The following BMERB1 variants were observed in gnomAD, a reference collection of about 807,000 sequenced individuals.
The protein encoded by BMERB1 is bMERB domain-containing protein 1.
In BMERB1, 12 loss-of-function variants were observed where a neutral mutation model predicts 23.6. The observed-to-expected ratio is 0.51, with a 90% CI of 0.33 to 0.82. The LOEUF is 0.82. Ranked by LOEUF, BMERB1 falls within the 40% of genes least tolerant of loss-of-function variation. BMERB1 has a pLI of 0.03. For synonymous variants in BMERB1, 122 were observed against 96.6 expected (o/e 1.26, Z -1.54); for missense variants, 247 against 255.4 (o/e 0.97, Z 0.22).
chr16:15,517,856 TGTGTGTGGATGTGTGTGG>T (rs1215773058), intron 2 of BMERB1, among the ~76,000 whole-genome samples: 1 of 83,378 alleles, frequency 1.2e-5, no homozygotes, highest in South Asian at 5.2e-4. Flanking sequence ...TGTGGATGTG[TGTGTGTGGATGTGTGTGG>T]GTGTGTGGAT....
chr16:15,434,856 C>G (rs1420299115), intron 1 of BMERB1, 97 bp downstream of exon 1: 7 of 1,015,918 alleles, frequency 6.9e-6, no homozygotes, highest in Non-Finnish European at 1.0e-5. Flanking sequence ...CAGCAGTGGA[C>G]CCAGGGAAGC....
intron 2 of BMERB1, among the ~76,000 whole-genome samples, chr16:15,537,859 G>A (rs911972921): frequency 6.6e-6 from 1 of 150,672 alleles, no homozygotes; most frequent in African/African-American, 2.4e-5. Flanking sequence ...GGGTCTTGCT[G>A]TGTTGCCCAG....
chr16:15,497,023 C>G (rs952083301), intron 1 of BMERB1, among the ~76,000 whole-genome samples: 1 of 152,166 alleles, frequency 6.6e-6, no homozygotes, highest in Non-Finnish European at 1.5e-5. Flanking sequence ...AATGTAGAAG[C>G]TAGAAAAGGC....
At chr16:15,489,443 G>T (rs1001836988) in intron 1 of BMERB1, among the ~76,000 whole-genome samples, 1 of 152,012 alleles carries the variant, frequency 6.6e-6, no homozygotes, top group Non-Finnish European at 1.5e-5. Flanking sequence ...AATTCCCCTC[G>T]CAGGTTCCAG....
At chr16:15,577,318 C>T (rs570674489) in intron 3 of BMERB1, 1 of 152,280 alleles carries the variant, frequency 6.6e-6, no homozygotes, top group South Asian at 2.1e-4. Context: ...GGTTGCTTTT[C>T]ATTAAAAGGA....
chr16:15,579,262 G>A (rs1412679414), intron 3 of BMERB1, among the ~76,000 whole-genome samples: 1 of 152,138 alleles, frequency 6.6e-6, no homozygotes, highest in African/African-American at 2.4e-5. Context: ...GGGTGTTGGT[G>A]CGTGCTTGGA....
At chr16:15,563,025 G>C (rs2030466529) in intron 2 of BMERB1, among the ~76,000 whole-genome samples, 2 of 152,146 alleles carry the variant, frequency 1.3e-5, no homozygotes, top group East Asian at 3.9e-4. Flanking sequence ...GTCCTGCTGT[G>C]GTTTGTATGT....
chr16:15,452,356 A>G (rs13337556), intron 1 of BMERB1, among the ~76,000 whole-genome samples: 9,263 of 74,922 alleles, frequency 0.12, 1,000 homozygotes, highest in African/African-American at 0.33. Context: ...GAGAGAGAGA[A>G]AGAAAGAAAA....
chr16:15,572,572 T>C (rs1002763997), intron 3 of BMERB1, among the ~76,000 whole-genome samples: 1 of 152,132 alleles, frequency 6.6e-6, no homozygotes, highest in African/African-American at 2.4e-5. Context: ...CATATTGCAA[T>C]AAAGCTGTTA....
In BMERB1 at chr16:15,515,242, CAG is replaced by C. The variant is rs1264688130; in HGVS notation, c.107-62_107-61del. On this transcript the variant is annotated intron_variant, in intron 1 of 5. Transcript: ENST00000300006. ...GCAAGGCTGTGCCCTGGAACCATGTCAGGGTCTGTCCCATGGTGCAGCCTTGG... is the reference window on the plus strand; with the variant it reads ...GCAAGGCTGTGCCCTGGAACCATGTCGGTCTGTCCCATGGTGCAGCCTTGG... 23 of 1,606,184 alleles carry C rather than the reference CAG, an allele frequency of 1.4e-5. No individual in the cohort carries two copies. The African/African-American group carries it at 2.9e-4, about 21-fold the overall frequency.
intron 2 of BMERB1, among the ~76,000 whole-genome samples, chr16:15,564,133 C>T (rs2030502572): frequency 6.6e-6 from 1 of 152,210 alleles, no homozygotes; most frequent in Non-Finnish European, 1.5e-5. Context: ...CATCTTCCAG[C>T]CAGCAGAATC....
intron 2 of BMERB1, among the ~76,000 whole-genome samples, chr16:15,546,948 G>T (rs2150964767): frequency 6.6e-6 from 1 of 151,898 alleles, no homozygotes; most frequent in East Asian, 1.9e-4. Flanking sequence ...GGAAAGGCCT[G>T]AGCAAAACTG....
At chr16:15,565,783 C>G (rs1329246523) in intron 2 of BMERB1, among the ~76,000 whole-genome samples, 1 of 152,156 alleles carries the variant, frequency 6.6e-6, no homozygotes, top group Non-Finnish European at 1.5e-5. Flanking sequence ...TCACTTGAGC[C>G]CAGGAGTTCA....
chr16:15,537,173 G>A (rs1598503790), intron 2 of BMERB1, among the ~76,000 whole-genome samples: 1 of 152,098 alleles, frequency 6.6e-6, no homozygotes, highest in African/African-American at 2.4e-5. Flanking sequence ...AAAATTATAA[G>A]CACAGGCTTT....
At chr16:15,563,939 C>G (rs1020696103) in intron 2 of BMERB1, among the ~76,000 whole-genome samples, 3 of 152,262 alleles carry the variant, frequency 2.0e-5, no homozygotes, top group South Asian at 4.2e-4. Context: ...ATAGATTAAG[C>G]TCTTCCTGGG....
chr16:15,531,192 C>A (rs2051963926), intron 2 of BMERB1, among the ~76,000 whole-genome samples: 1 of 152,220 alleles, frequency 6.6e-6, no homozygotes, highest in South Asian at 2.1e-4. Flanking sequence ...CAGGTGTGAG[C>A]CATCACGCCC....
At chr16:15,516,304 C>G (rs1028346690) in intron 2 of BMERB1, among the ~76,000 whole-genome samples, 6 of 152,024 alleles carry the variant, frequency 3.9e-5, no homozygotes, top group Non-Finnish European at 2.9e-5. Context: ...GCCTTTGTCC[C>G]AGCTACTCAG....
At chr16:15,551,852 G>A (rs1474164044) in intron 2 of BMERB1, among the ~76,000 whole-genome samples, 3 of 152,160 alleles carry the variant, frequency 2.0e-5, no homozygotes, top group Non-Finnish European at 4.4e-5. Flanking sequence ...GAAAATGAGT[G>A]TAGGAAGTGC....
intron 4 of BMERB1, 68 bp from the exon 5 acceptor site, chr16:15,583,088 C>T (rs1302166352): frequency 1.6e-6 from 2 of 1,223,988 alleles, no homozygotes; most frequent in African/African-American, 1.5e-5. Flanking sequence ...TGGTTTATTT[C>T]ATTGGTTCCT....
Sources: allele counts gnomAD v4.1 joint callset (sites outside exome capture counted in the v4.1 genomes callset), GRCh38; gene constraint gnomAD v4.1.1; transcripts MANE v1.5; gene names NCBI Gene and HGNC (gene_info 2026-07-23, HGNC 2026-07-21).